Variants in OR6N1 observed in about 807,000 individuals in gnomAD.
The protein encoded by OR6N1 is olfactory receptor 6N1.
For synonymous variants in OR6N1, 170 were observed against 150.7 expected, an observed-to-expected ratio of 1.13 and a Z score of -0.94; for missense variants, 394 against 371.7, an observed-to-expected ratio of 1.06 and a Z score of -0.49.
chr1:158,811,467 T>C, the OR6N1 span, among the ~76,000 whole-genome samples: 2 of 152,238 alleles, frequency 1.3e-5, no homozygotes, highest in South Asian at 4.1e-4. Flanking sequence ...TGTTTATTTC[T>C]GTTTTCATCA....
At chr1:158,827,755 A>C in the OR6N1 span, among the ~76,000 whole-genome samples, 5 of 152,210 alleles carry the variant, frequency 3.3e-5, no homozygotes, top group Non-Finnish European at 7.3e-5. Flanking sequence ...TGTCTGGTGG[A>C]GAACCAACAG....
chr1:158,771,077 T>C (rs568050603), intron 1 of OR6N1, among the ~76,000 whole-genome samples: 6 of 152,354 alleles, frequency 3.9e-5, no homozygotes, highest in Middle Eastern at 3.4e-3. Flanking sequence ...TTGTTTGCAG[T>C]GTACCCTCAC....
At chr1:158,821,753 G>C in the OR6N1 span, among the ~76,000 whole-genome samples, 1 of 152,088 alleles carries the variant, frequency 6.6e-6, no homozygotes, top group Non-Finnish European at 1.5e-5. Context: ...ATGTCTGAAG[G>C]CTTCTTGTGT....
chr1:158,765,620 T>C lies in OR6N1; in HGVS notation c.*124A>G, dbSNP rs1346573436. 1.3e-6 allele frequency: 1 copy of C among 793,250 alleles called. No homozygotes were observed. Among genetic ancestry groups the C allele is most frequent in the African/African-American group, 1.7e-5 (1 of 58,150 alleles). The allele number at this position is 793,250 out of a possible 1,614,324, so 49.1% of individuals were successfully genotyped here. A position where few individuals can be genotyped will look rare whatever the true frequency, so the allele number is the denominator to read the frequency against. On this transcript the variant is annotated 3_prime_UTR_variant, in exon 2 of 2. Coordinates refer to ENST00000641846, the MANE Select transcript of OR6N1 (RefSeq NM_001005185.2). ...TATAACACTGGAAGTCAGTCAGCAC[T>C]TGCTGCAGCTCCACCACCCCACATA... is the stretch of plus-strand genomic sequence containing the variant.
chr1:158,807,113 G>A, the OR6N1 span, among the ~76,000 whole-genome samples: 1 of 151,860 alleles, frequency 6.6e-6, no homozygotes, highest in Non-Finnish European at 1.5e-5. Context: ...CAGACAGAGA[G>A]AATGAGGCTG....
chr1:158,821,720 T>G, the OR6N1 span, among the ~76,000 whole-genome samples: 5 of 152,208 alleles, frequency 3.3e-5, no homozygotes, highest in East Asian at 9.6e-4. Context: ...GTGTTGGCAA[T>G]TATGAGTAAA....
chr1:158,818,762 C>G, the OR6N1 span, among the ~76,000 whole-genome samples: 1 of 152,202 alleles, frequency 6.6e-6, no homozygotes, highest in African/African-American at 2.4e-5. Flanking sequence ...ACTTCCCTAT[C>G]CTTACCCAGT....
the OR6N1 span, among the ~76,000 whole-genome samples, chr1:158,825,496 A>G: frequency 1.3e-5 from 2 of 152,124 alleles, no homozygotes; most frequent in Non-Finnish European, 2.9e-5. Flanking sequence ...GAAGATATAC[A>G]TGGGACCAAC....
the OR6N1 span, among the ~76,000 whole-genome samples, chr1:158,804,443 G>A: frequency 6.6e-6 from 1 of 152,130 alleles, no homozygotes; most frequent in South Asian, 2.1e-4. Context: ...TGGTTCTGTG[G>A]TTACACTGAT....
the OR6N1 span, among the ~76,000 whole-genome samples, chr1:158,783,220 C>T: frequency 2.0e-5 from 3 of 152,110 alleles, no homozygotes; most frequent in East Asian, 5.8e-4. Context: ...TAAGTTCTGC[C>T]AATACTAGAA....
rs766769378 is a variant in OR6N1 at position 158,765,134 on chromosome 1, A to G, written c.*610T>C. The G allele has an allele frequency of 5.3e-5, 8 of 152,344 alleles. No individual in the cohort carries two copies. Among genetic ancestry groups the G allele is most frequent in the African/African-American group, 1.9e-4 (8 of 41,574 alleles). The allele number at this position is 152,344 out of a possible 1,614,324, so 9.4% of individuals were successfully genotyped here. ...CAGACACTGTGCACTGTGGTTTACA[A>G]ATCTTAACGTTAATATTCAAAACAC... On this transcript the variant is annotated 3_prime_UTR_variant, in exon 2 of 2. Transcript: ENST00000641846.
the OR6N1 span, among the ~76,000 whole-genome samples, chr1:158,815,547 A>T: frequency 6.6e-6 from 1 of 152,200 alleles, no homozygotes; most frequent in Non-Finnish European, 1.5e-5. Flanking sequence ...CTCCAGGGTC[A>T]CTTTGGTCAC....
the OR6N1 span, among the ~76,000 whole-genome samples, chr1:158,808,072 T>C: frequency 1.3e-5 from 2 of 148,844 alleles, no homozygotes; most frequent in East Asian, 4.0e-4. Context: ...TATGACAAAT[T>C]AGATCATTGA....
At chr1:158,811,924 T>C in the OR6N1 span, among the ~76,000 whole-genome samples, 1 of 152,166 alleles carries the variant, frequency 6.6e-6, no homozygotes, top group African/African-American at 2.4e-5. Context: ...AAGACTCTCC[T>C]TGAGTAAAAA....
chr1:158,802,429 C>T, the OR6N1 span, among the ~76,000 whole-genome samples: 7 of 151,954 alleles, frequency 4.6e-5, no homozygotes, highest in Non-Finnish European at 1.0e-4. Flanking sequence ...AAGATGGTCT[C>T]GCTCTCCTGA....
the OR6N1 span, among the ~76,000 whole-genome samples, chr1:158,795,365 G>C: frequency 6.6e-6 from 1 of 152,262 alleles, no homozygotes; most frequent in East Asian, 1.9e-4. Flanking sequence ...CACCCCTCCT[G>C]GTTTGCTCAT....
the OR6N1 span, among the ~76,000 whole-genome samples, chr1:158,814,121 C>T: frequency 6.6e-6 from 1 of 152,174 alleles, no homozygotes; most frequent in Non-Finnish European, 1.5e-5. Flanking sequence ...TAACTACTAA[C>T]AGTGCCCTGT....
the OR6N1 span, among the ~76,000 whole-genome samples, chr1:158,810,973 T>G: frequency 6.6e-6 from 1 of 152,168 alleles, no homozygotes; most frequent in Non-Finnish European, 1.5e-5. Flanking sequence ...CATATTATTT[T>G]ATCACCCAGG....
Position 158,766,182 on chromosome 1 carries a change from T to C in OR6N1, c.501A>G (p.Pro167=). 6.2e-7 allele frequency: 1 copy of C among 1,614,100 alleles called. No individual in the cohort carries two copies. The highest frequency in any genetic ancestry group is 2.2e-5 in the East Asian group (1 of 44,866). ...GCTGAATGCGATTGGGGCCACAGAA[T>C]GGGAGGCGTGAAATCAAGGAAATTT... ...VVEISLISRL[P]FCGPNRIQHV... Residue 167 remains proline, a synonymous_variant, in exon 2 of 2, where the codon CCA becomes CCG. Coordinates refer to ENST00000641846, the MANE Select transcript of OR6N1 (RefSeq NM_001005185.2).
Sources: allele counts gnomAD v4.1 joint callset (sites outside exome capture counted in the v4.1 genomes callset), GRCh38; gene constraint gnomAD v4.1.1; transcripts MANE v1.5; gene names NCBI Gene and HGNC (gene_info 2026-07-23, HGNC 2026-07-21).